The following ARSJ variants were observed in gnomAD, a reference collection of about 807,000 sequenced individuals.
ARSJ encodes the protein arylsulfatase family member J, also known as arylsulfatase J.
A neutral mutation model predicts 35.9 loss-of-function variants in ARSJ; 26 were observed. The observed-to-expected ratio is 0.72, with a 90% CI of 0.53 to 1.00. ARSJ has a LOEUF of 1.00. ARSJ is among the 50% of genes least tolerant of loss of function. ARSJ has a pLI of 0.00. For synonymous variants in ARSJ, 294 were observed against 267.6 expected (o/e 1.10, Z -0.96); for missense variants, 667 against 723.6 (o/e 0.92, Z 0.90).
intron 1 of ARSJ, 21 bp from the exon 2 acceptor site, chr4:113,903,696 T>A (rs754220784): frequency 1.3e-6 from 2 of 1,577,986 alleles, no homozygotes; most frequent in Admixed American, 1.8e-5. Context: ...GAGAAAAAAA[T>A]TGTTATCAGG....
chr4:113,967,048 GT>G (rs1726937744), intron 1 of ARSJ, among the ~76,000 whole-genome samples: 1 of 152,166 alleles, frequency 6.6e-6, no homozygotes, highest in Admixed American at 6.5e-5. Context: ...TGGTTGGTAG[GT>G]TTGGTGTGGG....
At chr4:113,915,885 A>G (rs140074904) in intron 1 of ARSJ, among the ~76,000 whole-genome samples, 1 of 152,324 alleles carries the variant, frequency 6.6e-6, no homozygotes, top group African/African-American at 2.4e-5. Flanking sequence ...CCAAAATTGC[A>G]AGTAAAGTGA....
chr4:113,912,631 A>C (rs1198863242), intron 1 of ARSJ, among the ~76,000 whole-genome samples: 1 of 152,148 alleles, frequency 6.6e-6, no homozygotes, highest in Non-Finnish European at 1.5e-5. Flanking sequence ...AAAAAAATGT[A>C]TAGGTTCCAT....
At chr4:113,940,255 A>G (rs1203465074) in intron 1 of ARSJ, among the ~76,000 whole-genome samples, 1 of 152,182 alleles carries the variant, frequency 6.6e-6, no homozygotes, top group Admixed American at 6.6e-5. Flanking sequence ...CCCATCAATG[A>G]TAGACTGGAT....
chr4:113,964,732 T>C (rs980696359), intron 1 of ARSJ, among the ~76,000 whole-genome samples: 1 of 152,072 alleles, frequency 6.6e-6, no homozygotes, highest in African/African-American at 2.4e-5. Flanking sequence ...TGTTATTCAG[T>C]ATGGTTCCCA....
rs370899581 is a variant in ARSJ, at chr4:113,914,721, C to T, written c.399-11046G>A. On this transcript the variant is annotated intron_variant, in intron 1 of 1. Transcript: ENST00000315366. ...AGGCAGTCTCCAGAAAAAATTATCACAAGTCTATTAAGTACCCACATTATT... is the reference window on the plus strand; with the variant it reads ...AGGCAGTCTCCAGAAAAAATTATCATAAGTCTATTAAGTACCCACATTATT... Among the ~76,000 whole-genome samples, 39 of 152,276 alleles carry T rather than the reference C, an allele frequency of 2.6e-4. 1 individual carries two copies. The highest frequency in any genetic ancestry group is 9.1e-4 in the African/African-American group (38 of 41,550).
chr4:113,955,171 C>A (rs566207348), intron 1 of ARSJ, among the ~76,000 whole-genome samples: 1 of 152,036 alleles, frequency 6.6e-6, no homozygotes, highest in South Asian at 2.1e-4. Context: ...ACCAGAGACA[C>A]TGTCAGGAGT....
chr4:113,946,577 A>G (rs1725500763), intron 1 of ARSJ, among the ~76,000 whole-genome samples: 1 of 151,370 alleles, frequency 6.6e-6, no homozygotes, highest in African/African-American at 2.4e-5. Flanking sequence ...CACCATACAC[A>G]CACACACACA....
chr4:113,905,069 A>G (rs1395330229), intron 1 of ARSJ, among the ~76,000 whole-genome samples: 1 of 152,180 alleles, frequency 6.6e-6, no homozygotes, highest in East Asian at 1.9e-4. Context: ...TTCCAGTGGT[A>G]TTTGCCAAGG....
intron 1 of ARSJ, among the ~76,000 whole-genome samples, chr4:113,912,764 T>C (rs369208968): frequency 2.8e-5 from 4 of 142,842 alleles, no homozygotes; most frequent in African/African-American, 1.0e-4. Flanking sequence ...TGTGTGTGTG[T>C]GCATAAAGAG....
Position 113,978,746 on chromosome 4 carries a change from A to T in ARSJ, c.89T>A (p.Leu30Gln). Residue 30 changes from leucine (L) to glutamine (Q), a missense_variant, in exon 1 of 2, where the codon CTG (leucine) becomes CAG (glutamine). Transcript: ENST00000315366. ...GAGGCAGAGGATCCAGAATCCTGCCAGCGCCCCCATTGCTAGCATCTTTCC... is the reference window on the plus strand; with the variant it reads ...GAGGCAGAGGATCCAGAATCCTGCCTGCGCCCCCATTGCTAGCATCTTTCC... ...CPGKMLAMGA[L>Q]AGFWILCLLT... is the part of the protein sequence containing the mutation. The T allele has an allele frequency of 1.2e-6, 2 of 1,614,254 alleles. No homozygotes were observed. Among genetic ancestry groups the T allele is most frequent in the Non-Finnish European group, 1.7e-6 (2 of 1,180,040 alleles).
intron 1 of ARSJ, among the ~76,000 whole-genome samples, chr4:113,945,317 T>C (rs1334227493): frequency 1.3e-5 from 2 of 152,022 alleles, no homozygotes; most frequent in African/African-American, 2.4e-5. Context: ...TGTATTTTTT[T>C]GTAGCAATGG....
At chr4:113,959,246 T>C (rs539798018) in intron 1 of ARSJ, among the ~76,000 whole-genome samples, 1 of 152,174 alleles carries the variant, frequency 6.6e-6, no homozygotes, top group East Asian at 1.9e-4. Context: ...GAATAATTTC[T>C]GTTTACCCTC....
At chr4:113,978,111 A>T (rs1393954127) in intron 1 of ARSJ, among the ~76,000 whole-genome samples, 1 of 152,234 alleles carries the variant, frequency 6.6e-6, no homozygotes, top group African/African-American at 2.4e-5. Context: ...AAATCTGAGC[A>T]TGCTCAAAAG....
At chr4:113,956,242 T>A (rs2149277880) in intron 1 of ARSJ, among the ~76,000 whole-genome samples, 1 of 152,142 alleles carries the variant, frequency 6.6e-6, no homozygotes, top group South Asian at 2.1e-4. Context: ...ATAAAATAGA[T>A]TAGGATTTAA....
intron 1 of ARSJ, among the ~76,000 whole-genome samples, chr4:113,966,363 A>G (rs1726893705): frequency 6.6e-6 from 1 of 152,032 alleles, no homozygotes; most frequent in Non-Finnish European, 1.5e-5. Flanking sequence ...AAAAATGACA[A>G]AGAAAGAATG....
intron 1 of ARSJ, among the ~76,000 whole-genome samples, chr4:113,919,484 G>A (rs554912642): frequency 3.3e-5 from 5 of 152,230 alleles, no homozygotes; most frequent in Admixed American, 6.5e-5. Context: ...AAATTATAAC[G>A]TGCTCAACTA....
intron 1 of ARSJ, among the ~76,000 whole-genome samples, chr4:113,947,176 T>C (rs1299742837): frequency 1.2e-4 from 18 of 152,010 alleles, no homozygotes; most frequent in Non-Finnish European, 2.9e-5. Flanking sequence ...GGTCTTCCAA[T>C]AGGGATTTAA....
In ARSJ at chr4:113,978,730, G is replaced by C. The variant is rs1594534367; in HGVS notation, c.105C>G (p.Ile35Met). 6.2e-7 allele frequency: 1 copy of C among 1,614,112 alleles called. No individual in the cohort carries two copies. The change falls in exon 1 of 2, where the codon ATC becomes ATG. Residue 35 changes from isoleucine to methionine, a missense_variant. By Grantham distance (10) the Ile-to-Met change is conservative. Transcript: ENST00000315366. Reference protein sequence around the residue: ...LAMGALAGFWILCLLTYGYLS... With the variant: ...LAMGALAGFWMLCLLTYGYLS... ...GGTAACCATAAGTGAGGAGGCAGAG[G>C]ATCCAGAATCCTGCCAGCGCCCCCA...
Sources: allele counts gnomAD v4.1 joint callset (sites outside exome capture counted in the v4.1 genomes callset), GRCh38; gene constraint gnomAD v4.1.1; transcripts MANE v1.5; gene names NCBI Gene and HGNC (gene_info 2026-07-23, HGNC 2026-07-21).